ARIH1: variants seen among roughly 807,000 people sequenced by gnomAD.
ARIH1 encodes the protein ariadne RBR E3 ubiquitin protein ligase 1.
In ARIH1, 8 loss-of-function variants were observed where a neutral mutation model predicts 85.0. That is an observed-to-expected ratio of 0.09 (90% confidence interval 0.06 to 0.17). The LOEUF is 0.17. Among genes scored for constraint, ARIH1 ranks in the 10% least tolerant of loss-of-function variants. ARIH1 has a pLI of 1.00. For synonymous variants in ARIH1, 238 were observed against 253.6 expected, an observed-to-expected ratio of 0.94 and a Z score of 0.59; for missense variants, 311 against 718.1, an observed-to-expected ratio of 0.43 and a Z score of 6.48.
chr15:72,505,339 A>C (rs916482568), intron 1 of ARIH1, among the ~76,000 whole-genome samples: 1 of 152,138 alleles, frequency 6.6e-6, no homozygotes, highest in Non-Finnish European at 1.5e-5. Flanking sequence ...ATATCATAGA[A>C]ATTTACTTTT....
chr15:72,535,014 A>G (rs1381480235), intron 2 of ARIH1, among the ~76,000 whole-genome samples: 2 of 121,976 alleles, frequency 1.6e-5, no homozygotes, highest in African/African-American at 5.2e-5. Flanking sequence ...GCAGTGGCGC[A>G]ATCTCGGCTC....
chr15:72,535,025 A>C (rs990759855), intron 2 of ARIH1, among the ~76,000 whole-genome samples: 29 of 127,910 alleles, frequency 2.3e-4, no homozygotes, highest in African/African-American at 6.9e-4. Context: ...ATCTCGGCTC[A>C]CTGCAGGCTC....
At chr15:72,572,709 T>C (rs1470808602) in intron 11 of ARIH1, among the ~76,000 whole-genome samples, 1 of 152,242 alleles carries the variant, frequency 6.6e-6, no homozygotes, top group East Asian at 1.9e-4. Context: ...AGTCTTGCTT[T>C]CAAGATCCCT....
rs149027141 is a variant in ARIH1 at position 72,486,627 on chromosome 15, T to C, written c.375+11613T>C. On this transcript the variant is annotated intron_variant, in intron 1 of 13. Coordinates refer to ENST00000379887, the MANE Select transcript of ARIH1 (RefSeq NM_005744.5). The stretch of plus-strand genomic sequence containing the variant: ...GGCTTAAAAAATTCTTAATGCTCTC[T>C]AACATCTGCTCTGGCAAATCAGCTT... Among the ~76,000 whole-genome samples the C allele has an allele frequency of 3.4e-4, 51 of 150,518 alleles. No homozygotes were observed. In the East Asian group the frequency reaches 9.8e-3, roughly 29 times the overall value.
chr15:72,534,544 A>G (rs2064072418), intron 2 of ARIH1, among the ~76,000 whole-genome samples: 1 of 152,228 alleles, frequency 6.6e-6, no homozygotes, highest in Non-Finnish European at 1.5e-5. Flanking sequence ...CTGGACATGT[A>G]GGATTAATAG....
intron 1 of ARIH1, among the ~76,000 whole-genome samples, chr15:72,488,658 G>A (rs2063846928): frequency 6.6e-6 from 1 of 152,202 alleles, no homozygotes; most frequent in Admixed American, 6.5e-5. Context: ...AAGAAACTCA[G>A]TAAATATTTG....
At chr15:72,481,818 T>C (rs1331348804) in intron 1 of ARIH1, among the ~76,000 whole-genome samples, 2 of 152,208 alleles carry the variant, frequency 1.3e-5, no homozygotes, top group Non-Finnish European at 2.9e-5. Context: ...AGGTGGTCTT[T>C]ACTCAGTATT....
chr15:72,595,743 G>T lies in ARIH1; in HGVS notation c.*12451G>T, dbSNP rs1026576899. On this transcript the variant is annotated 3_prime_UTR_variant, in exon 14 of 14. Transcript: ENST00000379887. Reference sequence around the variant, plus strand: ...AGTGATCTTCCTGCCTTGCACTCCCGAAGTGTTGGCATTACAGGCATGAGA... The same window carrying T: ...AGTGATCTTCCTGCCTTGCACTCCCTAAGTGTTGGCATTACAGGCATGAGA... 6 of 151,470 alleles carry T rather than the reference G, an allele frequency of 4.0e-5. No individual in the cohort carries two copies. Among genetic ancestry groups the T allele is most frequent in the African/African-American group, 1.5e-4 (6 of 41,246 alleles). 9.4% of individuals were successfully genotyped at this position (151,470 alleles called of 1,614,324 possible).
intron 1 of ARIH1, among the ~76,000 whole-genome samples, chr15:72,511,598 C>T (rs2063950801): frequency 6.6e-6 from 1 of 152,174 alleles, no homozygotes; most frequent in South Asian, 2.1e-4. Context: ...AACCACCGTG[C>T]CTGGCCCAGC....
chr15:72,583,198 T>A lies in ARIH1; in HGVS notation c.1590-10T>A. The A allele has an allele frequency of 6.3e-7, 1 of 1,591,766 alleles. No individual in the cohort carries two copies. The highest frequency in any genetic ancestry group is 8.5e-7 in the Non-Finnish European group (1 of 1,171,700). On this transcript the variant is annotated splice_polypyrimidine_tract_variant and intron_variant, in intron 13 of 13. Coordinates refer to ENST00000379887, the MANE Select transcript of ARIH1 (RefSeq NM_005744.5). ...ACAACAAGTTTTTTTTTTTTTCTCT[T>A]TGATTACAGATACTGTGAGAGTCGA...
At chr15:72,517,485 T>G (rs1238638803) in intron 1 of ARIH1, among the ~76,000 whole-genome samples, 1 of 151,728 alleles carries the variant, frequency 6.6e-6, no homozygotes, top group African/African-American at 2.4e-5. Context: ...AGTGCAGTGG[T>G]GGGATCTTGG....
intron 2 of ARIH1, among the ~76,000 whole-genome samples, chr15:72,538,601 A>G (rs1047494632): frequency 6.6e-5 from 10 of 152,200 alleles, no homozygotes; most frequent in Admixed American, 6.5e-5. Context: ...GGTGATCCCT[A>G]CCAGCCCCGT....
Position 72,599,139 on chromosome 15 carries a change from C to G in ARIH1, c.*15847C>G, listed in dbSNP as rs970298489. 6.6e-6 allele frequency: 1 copy of G among 152,208 alleles called. No individual in the cohort carries two copies. The highest frequency in any genetic ancestry group is 1.5e-5 in the Non-Finnish European group (1 of 68,094). The allele number at this position is 152,208 out of a possible 1,614,324, so 9.4% of individuals were successfully genotyped here. A position where few individuals can be genotyped will look rare whatever the true frequency, so the allele number is the denominator to read the frequency against. On this transcript the variant is annotated 3_prime_UTR_variant, in exon 14 of 14. Transcript: ENST00000379887. ...CCTCTGCCTCGTGATTCTCGTGACT[C>G]AGCCTCCTGAGTAGCTGGGATTACA...
rs969208941 is a variant in ARIH1 at position 72,595,621 on chromosome 15, G to C, written c.*12329G>C. 2 of 152,120 alleles carry C rather than the reference G, an allele frequency of 1.3e-5. No homozygotes were observed. The highest frequency in any genetic ancestry group is 4.8e-5 in the African/African-American group (2 of 41,396). The allele number at this position is 152,120 out of a possible 1,614,324, so 9.4% of individuals were successfully genotyped here. Reference sequence around the variant, plus strand: ...AGCCTCCCGAGTAGCTGGGACCACAGGTGTGCGCTACCACAGCTGGCTAAT... The same window carrying C: ...AGCCTCCCGAGTAGCTGGGACCACACGTGTGCGCTACCACAGCTGGCTAAT... On this transcript the variant is annotated 3_prime_UTR_variant, in exon 14 of 14. Coordinates refer to ENST00000379887, the MANE Select transcript of ARIH1 (RefSeq NM_005744.5).
chr15:72,478,202 G>A (rs185906936), intron 1 of ARIH1, among the ~76,000 whole-genome samples: 9 of 152,108 alleles, frequency 5.9e-5, no homozygotes, highest in Non-Finnish European at 1.2e-4. Context: ...TGCAACCTCC[G>A]CCTCTTGGGT....
intron 2 of ARIH1, among the ~76,000 whole-genome samples, chr15:72,541,348 A>G (rs1595865502): frequency 6.6e-6 from 1 of 152,324 alleles, no homozygotes. Flanking sequence ...AGTTACTGGA[A>G]GATGTGCAGG....
At chr15:72,545,849 C>T (rs1005313426) in intron 3 of ARIH1, among the ~76,000 whole-genome samples, 3 of 152,078 alleles carry the variant, frequency 2.0e-5, no homozygotes, top group Admixed American at 2.0e-4. Context: ...ATAGAATTTA[C>T]TGAACTGAGA....
At chr15:72,540,404 A>G (rs924483441) in intron 2 of ARIH1, among the ~76,000 whole-genome samples, 2 of 152,122 alleles carry the variant, frequency 1.3e-5, no homozygotes, top group African/African-American at 4.8e-5. Flanking sequence ...GTATTTAAGT[A>G]TTAATTACAT....
intron 1 of ARIH1, among the ~76,000 whole-genome samples, chr15:72,492,984 A>G (rs928200593): frequency 6.6e-6 from 1 of 152,162 alleles, no homozygotes; most frequent in African/African-American, 2.4e-5. Flanking sequence ...CAAGGTTGGA[A>G]GGATCCTAAT....
Sources: gnomAD v4.1 joint callset for allele counts (sites outside exome capture counted in the v4.1 genomes callset) on GRCh38, gnomAD v4.1.1 for gene constraint, MANE v1.5 for transcripts, NCBI Gene and HGNC (gene_info 2026-07-23, HGNC 2026-07-21) for gene names.